EYS: variants seen among roughly 807,000 people sequenced by gnomAD.
EYS encodes the protein EGF-like photoreceptor maintenance factor, also known as protein eyes shut homolog.
In EYS, 250 loss-of-function variants were observed where a neutral mutation model predicts 282.1. The observed-to-expected ratio is 0.89, with a 90% CI of 0.80 to 0.98. EYS has a LOEUF of 0.98. EYS is among the 50% of genes least tolerant of loss of function. The probability of loss-of-function intolerance (pLI) is 0.00; values close to 1 mark genes in which losing one functional copy is unlikely to be tolerated. For synonymous variants in EYS, 1,355 were observed against 1,282.9 expected (o/e 1.06, Z -1.20); for missense variants, 4,016 against 3,709.0 (o/e 1.08, Z -2.15).
chr6:64,601,772 A>G (rs899284314), intron 24 of EYS, among the ~76,000 whole-genome samples: 1 of 151,982 alleles, frequency 6.6e-6, no homozygotes, highest in Admixed American at 6.6e-5. Flanking sequence ...AATTCAAACT[A>G]ATTACTATTT....
chr6:64,723,799 C>T (rs550714439), intron 22 of EYS, among the ~76,000 whole-genome samples: 1 of 152,238 alleles, frequency 6.6e-6, no homozygotes, highest in Admixed American at 6.5e-5. Flanking sequence ...TGTGGATCTT[C>T]CATGGGTTTT....
At chr6:65,476,919 T>C (rs554595456) in intron 5 of EYS, among the ~76,000 whole-genome samples, 3 of 152,286 alleles carry the variant, frequency 2.0e-5, no homozygotes, top group South Asian at 2.1e-4. Flanking sequence ...GATTGGGTTA[T>C]TAAGGTAAGC....
intron 2 of EYS, among the ~76,000 whole-genome samples, chr6:65,568,819 A>G (rs1489805641): frequency 1.3e-5 from 2 of 152,192 alleles, no homozygotes; most frequent in Non-Finnish European, 2.9e-5. Flanking sequence ...TTAGAGACAA[A>G]TGTACGTATA....
intron 15 of EYS, among the ~76,000 whole-genome samples, chr6:64,925,685 T>G (rs10944770): frequency 0.41 from 62,070 of 151,826 alleles, 13,039 homozygotes; most frequent in East Asian, 0.53. Context: ...GTTCTCACCT[T>G]GTCTAGATGA....
Position 63,859,294 on chromosome 6 carries a change from T to G in EYS, c.7228+4892A>C, listed in dbSNP as rs1424703807. ...ATTCTCATAAAACCTATAAGGTAAG[T>G]TCTATTATTAGACTCATTGAAATTG... On this transcript the variant is annotated intron_variant, in intron 36 of 42. Transcript: ENST00000503581. Among the ~76,000 whole-genome samples, 4 of 151,946 alleles carry G rather than the reference T, an allele frequency of 2.6e-5. No individual in the cohort carries two copies. The East Asian group carries it at 7.7e-4, about 29-fold the overall frequency.
intron 30 of EYS, among the ~76,000 whole-genome samples, chr6:64,251,928 G>T (rs2150348768): frequency 6.6e-6 from 1 of 152,174 alleles, no homozygotes; most frequent in Middle Eastern, 3.4e-3. Context: ...CTGAAGAATA[G>T]AAAGGAGATT....
intron 37 of EYS, among the ~76,000 whole-genome samples, chr6:63,799,854 G>A (rs1341191505): frequency 6.6e-6 from 1 of 152,228 alleles, no homozygotes; most frequent in Non-Finnish European, 1.5e-5. Flanking sequence ...ACATGAATGA[G>A]TAGGTACTGG....
intron 22 of EYS, among the ~76,000 whole-genome samples, chr6:64,795,299 C>T (rs2150003603): frequency 6.6e-6 from 1 of 151,424 alleles, no homozygotes; most frequent in Non-Finnish European, 1.5e-5. Context: ...ATTTGTGTTT[C>T]CTAGAAGTAG....
chr6:64,983,664 C>T (rs754225420), intron 14 of EYS, among the ~76,000 whole-genome samples: 25 of 151,298 alleles, frequency 1.7e-4, no homozygotes, highest in Non-Finnish European at 3.6e-4. Flanking sequence ...AATGGGGTTA[C>T]TATGAAGTGG....
chr6:64,593,002 C>T lies in EYS; in HGVS notation c.3877+115G>A, dbSNP rs1766458626. 9.8e-6 allele frequency: 7 copies of T among 712,616 alleles called. No individual in the cohort carries two copies. The South Asian group carries it at 1.6e-4, about 16-fold the overall frequency. 44.1% of individuals were successfully genotyped at this position (712,616 alleles called of 1,614,324 possible). ...AACCAATAATGCTTAATTTTACACC[C>T]CTAAAAATCATGTATCTCAGAAAAA... On this transcript the variant is annotated intron_variant, in intron 25 of 42. Coordinates refer to ENST00000503581, the MANE Select transcript of EYS (RefSeq NM_001142800.2).
chr6:64,003,422 G>T (rs1768191852), intron 33 of EYS, among the ~76,000 whole-genome samples: 1 of 152,084 alleles, frequency 6.6e-6, no homozygotes, highest in African/African-American at 2.4e-5. Context: ...CAACTTAATT[G>T]TATGCTTTAA....
At chr6:64,535,672 G>A (rs545494014) in intron 26 of EYS, among the ~76,000 whole-genome samples, 47 of 151,872 alleles carry the variant, frequency 3.1e-4, no homozygotes, top group Admixed American at 1.4e-3. Context: ...CTGGGAGGTC[G>A]AGGCTGCAGT....
At chr6:63,807,585 A>T (rs562733168) in intron 36 of EYS, among the ~76,000 whole-genome samples, 1 of 152,150 alleles carries the variant, frequency 6.6e-6, no homozygotes, top group Non-Finnish European at 1.5e-5. Flanking sequence ...TCAGTTTATT[A>T]TGACTATTAA....
At chr6:64,272,954 C>T (rs2150358047) in intron 30 of EYS, among the ~76,000 whole-genome samples, 1 of 152,226 alleles carries the variant, frequency 6.6e-6, no homozygotes, top group East Asian at 1.9e-4. Context: ...TTTCACCAGA[C>T]TAAAATATCT....
Position 64,447,526 on chromosome 6 carries a change from A to G in EYS, c.5645-8174T>C, listed in dbSNP as rs767593055. ...AATGTTTCAAAATAAGTTATGAAAT[A>G]TATTTGTTTCTTTAATAGGTTCCCA... On this transcript the variant is annotated intron_variant, in intron 26 of 42. Transcript: ENST00000503581. 7.6e-4 allele frequency among the ~76,000 whole-genome samples: 116 copies of G among 152,136 alleles called. 1 individual carries two copies. Among genetic ancestry groups the G allele is most frequent in the Non-Finnish European group, 3.1e-4 (21 of 68,000 alleles).
intron 35 of EYS, among the ~76,000 whole-genome samples, chr6:63,978,914 G>A (rs1766965645): frequency 6.6e-6 from 1 of 151,906 alleles, no homozygotes; most frequent in African/African-American, 2.4e-5. Flanking sequence ...GGGAAAGATG[G>A]ATTGAAAGTA....
intron 28 of EYS, among the ~76,000 whole-genome samples, chr6:64,403,789 C>G (rs1773616197): frequency 6.6e-6 from 1 of 152,124 alleles, no homozygotes; most frequent in African/African-American, 2.4e-5. Context: ...CAAGAAAACA[C>G]CAGAAGTAGA....
intron 1 of EYS, among the ~76,000 whole-genome samples, chr6:65,651,748 T>TA (rs1279730212): frequency 8.5e-5 from 13 of 152,102 alleles, no homozygotes; most frequent in African/African-American, 3.1e-4. Context: ...TCTTTTTCTG[T>TA]AAAAAATCCA....
At chr6:64,140,951 T>C (rs1284423230) in intron 31 of EYS, among the ~76,000 whole-genome samples, 5 of 152,200 alleles carry the variant, frequency 3.3e-5, no homozygotes, top group Admixed American at 3.3e-4. Context: ...AACAACCTTG[T>C]TATTAACCTG....
Sources: allele counts gnomAD v4.1 joint callset (sites outside exome capture counted in the v4.1 genomes callset), GRCh38; gene constraint gnomAD v4.1.1; transcripts MANE v1.5; gene names NCBI Gene and HGNC (gene_info 2026-07-23, HGNC 2026-07-21).